The following ARB2A variants were observed in gnomAD, a reference collection of about 807,000 sequenced individuals.
ARB2A encodes cotranscriptional regulator ARB2A.
the ARB2A span, among the ~76,000 whole-genome samples, chr5:93,883,387 CTT>C: frequency 7.2e-6 from 1 of 138,850 alleles, no homozygotes; most frequent in East Asian, 2.2e-4. Context: ...GTAATTTAAA[CTT>C]TCTACATCAA....
the ARB2A span, among the ~76,000 whole-genome samples, chr5:94,000,000 T>C: frequency 4.6e-5 from 7 of 152,122 alleles, no homozygotes; most frequent in Non-Finnish European, 1.0e-4. Context: ...TGACAGCTCA[T>C]TTCTTTTTAG....
chr5:93,858,320 C>T, the ARB2A span, among the ~76,000 whole-genome samples: 1 of 152,220 alleles, frequency 6.6e-6, no homozygotes. Context: ...GCAAAGACCA[C>T]ATTGTTTGCA....
At chr5:93,636,425 G>A in the ARB2A span, among the ~76,000 whole-genome samples, 2 of 152,100 alleles carry the variant, frequency 1.3e-5, no homozygotes, top group Non-Finnish European at 2.9e-5. Flanking sequence ...AAGATATGAG[G>A]GTAGAAACCT....
chr5:93,932,336 T>A, the ARB2A span, among the ~76,000 whole-genome samples: 28 of 152,304 alleles, frequency 1.8e-4, no homozygotes, highest in Admixed American at 1.2e-3. Flanking sequence ...AAAACAGATA[T>A]CTTGTTAGAT....
chr5:94,023,241 A>T, the ARB2A span, among the ~76,000 whole-genome samples: 1 of 152,214 alleles, frequency 6.6e-6, no homozygotes, highest in Non-Finnish European at 1.5e-5. Flanking sequence ...ATCTTACCCT[A>T]TATGAATGGG....
At chr5:93,965,406 C>G in the ARB2A span, among the ~76,000 whole-genome samples, 1 of 152,018 alleles carries the variant, frequency 6.6e-6, no homozygotes, top group African/African-American at 2.4e-5. Context: ...CCCCTAGATC[C>G]TAAAAACAGC....
chr5:93,965,197 T>C, the ARB2A span, among the ~76,000 whole-genome samples: 227 of 152,104 alleles, frequency 1.5e-3, no homozygotes, highest in African/African-American at 5.1e-3. Context: ...AGAAGAACAG[T>C]GGGTCAGAGA....
At chr5:93,878,375 C>T in the ARB2A span, among the ~76,000 whole-genome samples, 1 of 151,948 alleles carries the variant, frequency 6.6e-6, no homozygotes, top group Non-Finnish European at 1.5e-5. Context: ...TACATGCCCT[C>T]ATGAAGCTTA....
chr5:93,636,765 CTTT>C, the ARB2A span, among the ~76,000 whole-genome samples: 4 of 152,196 alleles, frequency 2.6e-5, no homozygotes, highest in Non-Finnish European at 5.9e-5. Flanking sequence ...TTTAGATCTT[CTTT>C]AATGCCTCTT....
the ARB2A span, among the ~76,000 whole-genome samples, chr5:93,944,948 A>G: frequency 1.1e-4 from 17 of 152,266 alleles, no homozygotes; most frequent in Non-Finnish European, 2.2e-4. Flanking sequence ...ATACTCAGAA[A>G]TTGGGGCACC....
the ARB2A span, among the ~76,000 whole-genome samples, chr5:93,846,338 T>C: frequency 7.1e-6 from 1 of 140,904 alleles, no homozygotes; most frequent in Admixed American, 7.1e-5. Context: ...ACCCTGTCTC[T>C]AAAAAAAAAA....
chr5:93,836,978 C>CT, the ARB2A span, among the ~76,000 whole-genome samples: 2 of 152,094 alleles, frequency 1.3e-5, no homozygotes, highest in African/African-American at 4.8e-5. Flanking sequence ...AGCACTCAAT[C>CT]TTTTTTTAAG....
At chr5:93,755,951 T>G in the ARB2A span, among the ~76,000 whole-genome samples, 1 of 152,182 alleles carries the variant, frequency 6.6e-6, no homozygotes, top group Non-Finnish European at 1.5e-5. Context: ...CTTTTACTTT[T>G]GCAGCTGGGA....
chr5:94,025,351 T>C, the ARB2A span, among the ~76,000 whole-genome samples: 1 of 152,250 alleles, frequency 6.6e-6, no homozygotes, highest in African/African-American at 2.4e-5. Flanking sequence ...TCATGTGACA[T>C]TACTTCAGTG....
the ARB2A span, among the ~76,000 whole-genome samples, chr5:93,758,825 T>C: frequency 1.3e-4 from 19 of 151,968 alleles, no homozygotes; most frequent in African/African-American, 4.3e-4. Flanking sequence ...TCTAAGGTCA[T>C]ACCTCAAGGA....
the ARB2A span, among the ~76,000 whole-genome samples, chr5:93,856,152 A>G: frequency 6.6e-6 from 1 of 152,160 alleles, no homozygotes; most frequent in Non-Finnish European, 1.5e-5. Context: ...CTGCCAAGAG[A>G]TCCGCTGTTA....
At chr5:93,695,225 T>C in the ARB2A span, among the ~76,000 whole-genome samples, 1 of 151,010 alleles carries the variant, frequency 6.6e-6, no homozygotes, top group Non-Finnish European at 1.5e-5. Context: ...TGCACAGCAA[T>C]AGAAACTATC....
the ARB2A span, among the ~76,000 whole-genome samples, chr5:94,033,963 G>C: frequency 6.6e-6 from 1 of 152,186 alleles, no homozygotes; most frequent in African/African-American, 2.4e-5. Context: ...GAATGGGCTA[G>C]TTCTCTAGCA....
At chr5:93,832,955 A>G in the ARB2A span, among the ~76,000 whole-genome samples, 4 of 152,166 alleles carry the variant, frequency 2.6e-5, no homozygotes, top group Non-Finnish European at 5.9e-5. Flanking sequence ...TATTTACTAC[A>G]ATGTCTTACA....
Sources: allele counts gnomAD v4.1 joint callset (sites outside exome capture counted in the v4.1 genomes callset), GRCh38; gene constraint gnomAD v4.1.1; transcripts MANE v1.5; gene names NCBI Gene and HGNC (gene_info 2026-07-23, HGNC 2026-07-21).